Variants in NLGN1 observed in about 807,000 individuals in gnomAD.
The protein encoded by NLGN1 is neuroligin-1.
In NLGN1, 12 loss-of-function variants were observed where a neutral mutation model predicts 65.5. That is an observed-to-expected ratio of 0.18 (90% confidence interval 0.12 to 0.30). The LOEUF is 0.30. Among genes scored for constraint, NLGN1 ranks in the 10% least tolerant of loss-of-function variants. NLGN1 has a pLI of 1.00. For missense variants in NLGN1, 750 were observed against 1,007.1 expected, an observed-to-expected ratio of 0.74 and a Z score of 3.46; for synonymous variants, 350 against 359.5, an observed-to-expected ratio of 0.97 and a Z score of 0.30.
intron 4 of NLGN1, among the ~76,000 whole-genome samples, chr3:174,091,128 G>A (rs918206422): frequency 3.9e-5 from 6 of 151,924 alleles, no homozygotes; most frequent in African/African-American, 1.5e-4. Flanking sequence ...GGTGCCTGAA[G>A]AAAATTAACC....
At chr3:173,694,810 A>G (rs966839108) in intron 3 of NLGN1, among the ~76,000 whole-genome samples, 1 of 152,192 alleles carries the variant, frequency 6.6e-6, no homozygotes, top group African/African-American at 2.4e-5. Flanking sequence ...CTGTGACAAG[A>G]CACATGACAT....
intron 4 of NLGN1, among the ~76,000 whole-genome samples, chr3:174,217,543 C>A (rs1737845168): frequency 6.6e-6 from 1 of 151,996 alleles, no homozygotes; most frequent in South Asian, 2.1e-4. Context: ...TCACATGGCA[C>A]AAAAATCCCA....
chr3:173,929,476 A>G (rs537364905), intron 4 of NLGN1, among the ~76,000 whole-genome samples: 2 of 151,552 alleles, frequency 1.3e-5, no homozygotes, highest in East Asian at 1.9e-4. Context: ...ACACACAGAG[A>G]GTTTTAATTG....
At chr3:173,854,649 C>T (rs11927515) in intron 4 of NLGN1, among the ~76,000 whole-genome samples, 130,020 of 152,084 alleles carry the variant, frequency 0.85, 56,185 homozygotes, top group African/African-American at 0.9. Context: ...TTTGAAATTG[C>T]TGACTGATTT....
chr3:173,948,631 G>A (rs1241214154), intron 4 of NLGN1, among the ~76,000 whole-genome samples: 1 of 152,198 alleles, frequency 6.6e-6, no homozygotes. Flanking sequence ...TCCATAGACA[G>A]GGAGAAGAAC....
At chr3:173,509,665 AT>A (rs1428362057) in intron 2 of NLGN1, among the ~76,000 whole-genome samples, 1 of 152,156 alleles carries the variant, frequency 6.6e-6, no homozygotes, top group African/African-American at 2.4e-5. Flanking sequence ...ATATTCATGG[AT>A]TTTAAATGAT....
intron 1 of NLGN1, among the ~76,000 whole-genome samples, chr3:173,403,622 C>A (rs982245560): frequency 2.6e-5 from 4 of 152,062 alleles, no homozygotes; most frequent in Non-Finnish European, 5.9e-5. Context: ...ACAAGGAAAG[C>A]TTTATTTTCA....
chr3:173,857,128 A>T (rs1007093113), intron 4 of NLGN1, among the ~76,000 whole-genome samples: 1 of 152,068 alleles, frequency 6.6e-6, no homozygotes, highest in Admixed American at 6.6e-5. Flanking sequence ...ACCTGGACAC[A>T]TGAAGGAGTA....
rs139382125 is a variant in NLGN1, at chr3:173,507,570, T to G, written c.-321+72492T>G. Among the ~76,000 whole-genome samples, 335 of 152,280 alleles carry G rather than the reference T, an allele frequency of 2.2e-3. 1 individual carries two copies. The highest frequency in any genetic ancestry group is 7.6e-3 in the African/African-American group (317 of 41,576). On this transcript the variant is annotated intron_variant, in intron 2 of 6. Coordinates refer to ENST00000457714, the Ensembl canonical transcript of NLGN1. ...ATTAGCAAGTAATCATTTGTCTTTG[T>G]GATTGTTTTCAGGTAATAGTTATTT...
At chr3:173,682,047 T>C (rs554190820) in intron 3 of NLGN1, among the ~76,000 whole-genome samples, 50 of 152,322 alleles carry the variant, frequency 3.3e-4, no homozygotes, top group African/African-American at 1.1e-3. Flanking sequence ...GATTCGATCA[T>C]GAGTATGCCA....
At chr3:173,865,471 A>G (rs954469322) in intron 4 of NLGN1, among the ~76,000 whole-genome samples, 4 of 152,176 alleles carry the variant, frequency 2.6e-5, no homozygotes, top group Non-Finnish European at 5.9e-5. Context: ...AAACCATTCT[A>G]AGTGTTTTAT....
intron 4 of NLGN1, among the ~76,000 whole-genome samples, chr3:174,113,304 A>T (rs945539876): frequency 6.6e-6 from 1 of 152,002 alleles, no homozygotes; most frequent in African/African-American, 2.4e-5. Flanking sequence ...TCTTCAAGAA[A>T]TCAAACAATA....
chr3:174,073,748 G>T (rs754148462), intron 4 of NLGN1, among the ~76,000 whole-genome samples: 1 of 152,154 alleles, frequency 6.6e-6, no homozygotes, highest in Non-Finnish European at 1.5e-5. Flanking sequence ...TGATAGAGCA[G>T]ACACACTTAC....
At chr3:173,971,062 T>C (rs1472409263) in intron 4 of NLGN1, among the ~76,000 whole-genome samples, 3 of 152,216 alleles carry the variant, frequency 2.0e-5, no homozygotes, top group Non-Finnish European at 1.5e-5. Context: ...CAAAACTGCC[T>C]ACATGGAGGA....
intron 4 of NLGN1, among the ~76,000 whole-genome samples, chr3:173,893,690 G>GC (rs1445844451): frequency 6.6e-6 from 1 of 151,980 alleles, no homozygotes; most frequent in Non-Finnish European, 1.5e-5. Flanking sequence ...AATTATTATT[G>GC]CATGGGCTCC....
intron 3 of NLGN1, among the ~76,000 whole-genome samples, chr3:173,720,683 T>C (rs564483004): frequency 1.1e-4 from 16 of 152,324 alleles, no homozygotes; most frequent in Middle Eastern, 3.4e-3. Flanking sequence ...TTTTATATAT[T>C]CCAGATCTTA....
intron 2 of NLGN1, among the ~76,000 whole-genome samples, chr3:173,495,756 A>G (rs1178003406): frequency 6.6e-6 from 1 of 150,978 alleles, no homozygotes; most frequent in Non-Finnish European, 1.5e-5. Flanking sequence ...TATTATCATA[A>G]TCAAGATACA....
intron 2 of NLGN1, among the ~76,000 whole-genome samples, chr3:173,528,391 G>A (rs1736005169): frequency 1.3e-5 from 2 of 152,094 alleles, no homozygotes; most frequent in South Asian, 4.2e-4. Context: ...CATTGACCTT[G>A]CATAGCTTTA....
intron 3 of NLGN1, among the ~76,000 whole-genome samples, chr3:173,793,980 C>T (rs1443418726): frequency 6.6e-6 from 1 of 152,054 alleles, no homozygotes; most frequent in African/African-American, 2.4e-5. Context: ...TCTTTGTCCT[C>T]ATCACCCACG....
Sources: gnomAD v4.1 joint callset for allele counts (sites outside exome capture counted in the v4.1 genomes callset) on GRCh38, gnomAD v4.1.1 for gene constraint, MANE v1.5 for transcripts, NCBI Gene and HGNC (gene_info 2026-07-23, HGNC 2026-07-21) for gene names.